CMIP: variants seen among roughly 807,000 people sequenced by gnomAD.
CMIP encodes c-Maf inducing protein, also known as C-Maf-inducing protein.
A neutral mutation model predicts 97.3 loss-of-function variants in CMIP; 13 were observed. The observed-to-expected ratio is 0.13, with a 90% CI of 0.09 to 0.21. The LOEUF (loss-of-function observed/expected upper bound fraction) is 0.21. CMIP is among the 10% of genes least tolerant of loss of function. CMIP has a pLI of 1.00. For missense variants in CMIP, 847 were observed against 1,024.9 expected, an observed-to-expected ratio of 0.83 and a Z score of 2.37; for synonymous variants, 538 against 436.3, an observed-to-expected ratio of 1.23 and a Z score of -2.91.
At chr16:81,570,371 C>T (rs550010426) in intron 1 of CMIP, among the ~76,000 whole-genome samples, 268 of 152,152 alleles carry the variant, frequency 1.8e-3, no homozygotes, top group African/African-American at 6.2e-3. Context: ...CAGTGCTGTG[C>T]GGGGGAAGCA....
At chr16:81,487,130 C>T (rs1367393737) in intron 1 of CMIP, among the ~76,000 whole-genome samples, 2 of 151,550 alleles carry the variant, frequency 1.3e-5, no homozygotes, top group African/African-American at 4.9e-5. Flanking sequence ...CCCTGAGAAC[C>T]AGAACAGGCC....
intron 7 of CMIP, chr16:81,665,541 A>T (rs1337227325): frequency 6.6e-6 from 1 of 152,196 alleles, no homozygotes; most frequent in African/African-American, 2.4e-5. Flanking sequence ...GGAGCTAAGG[A>T]GCAGGCAGCC....
At chr16:81,479,963 A>G (rs1026388009) in intron 1 of CMIP, among the ~76,000 whole-genome samples, 8 of 152,246 alleles carry the variant, frequency 5.3e-5, no homozygotes, top group Admixed American at 1.3e-4. Context: ...TGCCAGGTCC[A>G]CATAAGCATG....
chr16:81,449,255 C>A (rs1906056931), intron 1 of CMIP, among the ~76,000 whole-genome samples: 1 of 152,212 alleles, frequency 6.6e-6, no homozygotes, highest in Admixed American at 6.5e-5. Flanking sequence ...GTTCTTTATT[C>A]TCAAGCCATA....
intron 1 of CMIP, among the ~76,000 whole-genome samples, chr16:81,504,829 A>G (rs993774902): frequency 6.6e-6 from 1 of 152,038 alleles, no homozygotes; most frequent in Non-Finnish European, 1.5e-5. Context: ...AGGGTGTGGA[A>G]CCCTTTTAGC....
At chr16:81,672,426 T>G (rs909721705) in intron 9 of CMIP, among the ~76,000 whole-genome samples, 2 of 152,194 alleles carry the variant, frequency 1.3e-5, no homozygotes, top group African/African-American at 4.8e-5. Flanking sequence ...ATGTGTGCAC[T>G]GTACACATAC....
chr16:81,632,870 A>AC (rs1429757470), intron 3 of CMIP, among the ~76,000 whole-genome samples: 1 of 151,408 alleles, frequency 6.6e-6, no homozygotes, highest in Admixed American at 6.6e-5. Flanking sequence ...CATTCAAGAC[A>AC]CCCCCACCCC....
At chr16:81,573,823 C>T (rs915695577) in intron 1 of CMIP, among the ~76,000 whole-genome samples, 1 of 152,194 alleles carries the variant, frequency 6.6e-6, no homozygotes, top group African/African-American at 2.4e-5. Context: ...ATGTGCTTAA[C>T]GCATGCGTGG....
chr16:81,693,289 C>T, intron 12 of CMIP, 105 bp downstream of exon 12: 2 of 1,393,156 alleles, frequency 1.4e-6, no homozygotes, highest in South Asian at 1.2e-5. Context: ...GGTGGCTCCT[C>T]TTGGCAGTTC....
intron 5 of CMIP, among the ~76,000 whole-genome samples, chr16:81,660,463 C>T (rs1255327741): frequency 2.6e-5 from 4 of 151,988 alleles, no homozygotes; most frequent in East Asian, 1.9e-4. Flanking sequence ...TTGGTAGAGA[C>T]GGAGTTTCCC....
intron 1 of CMIP, among the ~76,000 whole-genome samples, chr16:81,473,124 C>T (rs887018513): frequency 3.9e-5 from 6 of 152,238 alleles, no homozygotes; most frequent in African/African-American, 1.4e-4. Context: ...GCCTCCTGCC[C>T]GGCCTCCTCT....
intron 1 of CMIP, among the ~76,000 whole-genome samples, chr16:81,537,255 C>T (rs1240834346): frequency 6.6e-6 from 1 of 152,150 alleles, no homozygotes; most frequent in Admixed American, 6.6e-5. Flanking sequence ...CCCATATAGG[C>T]TGGGGGCGGT....
At chr16:81,510,472 A>T (rs535955151) in intron 1 of CMIP, among the ~76,000 whole-genome samples, 1 of 152,312 alleles carries the variant, frequency 6.6e-6, no homozygotes, top group South Asian at 2.1e-4. Flanking sequence ...AGGAAACACT[A>T]TTGTTAGTAG....
intron 3 of CMIP, among the ~76,000 whole-genome samples, chr16:81,633,188 C>T (rs555823093): frequency 8.5e-5 from 13 of 152,336 alleles, no homozygotes; most frequent in African/African-American, 2.6e-4. Context: ...TGAGAGGCAG[C>T]GTCTTGATGA....
intron 10 of CMIP, among the ~76,000 whole-genome samples, chr16:81,687,148 G>A (rs1414695713): frequency 1.3e-5 from 2 of 152,136 alleles, no homozygotes; most frequent in African/African-American, 4.8e-5. Context: ...CAGGCCCCAG[G>A]CTCTGTCATT....
At chr16:81,523,690 C>T (rs749805154) in intron 1 of CMIP, among the ~76,000 whole-genome samples, 1 of 152,250 alleles carries the variant, frequency 6.6e-6, no homozygotes, top group African/African-American at 2.4e-5. Context: ...ACCAAGAGGA[C>T]AGCATCTTTT....
chr16:81,591,314 C>T (rs1272827958), intron 1 of CMIP, among the ~76,000 whole-genome samples: 3 of 152,150 alleles, frequency 2.0e-5, no homozygotes, highest in South Asian at 4.1e-4. Flanking sequence ...CTCTGGACAC[C>T]AGCTAAGGTG....
intron 1 of CMIP, among the ~76,000 whole-genome samples, chr16:81,528,155 C>G (rs7198024): frequency 0.053 from 8,079 of 152,268 alleles, 249 homozygotes; most frequent in Middle Eastern, 0.088. Flanking sequence ...TTCTTTAAGT[C>G]TGAAATTTTT....
At chr16:81,706,684 A>T (rs1376757269) in intron 19 of CMIP, among the ~76,000 whole-genome samples, 1 of 152,110 alleles carries the variant, frequency 6.6e-6, no homozygotes, top group Non-Finnish European at 1.5e-5. Context: ...CTTAGTGGGG[A>T]GGCCTCGGGC....
Sources: allele counts gnomAD v4.1 joint callset (sites outside exome capture counted in the v4.1 genomes callset), GRCh38; gene constraint gnomAD v4.1.1; transcripts MANE v1.5; gene names NCBI Gene and HGNC (gene_info 2026-07-23, HGNC 2026-07-21).